NOL4: variants seen among roughly 807,000 people sequenced by gnomAD.
NOL4 encodes the protein cancer/testis antigen 125.
In NOL4, 17 loss-of-function variants were observed where a neutral mutation model predicts 75.9. That is an observed-to-expected ratio of 0.22 (90% confidence interval 0.15 to 0.34). NOL4 has a LOEUF of 0.34. Among genes scored for constraint, NOL4 ranks in the 10% least tolerant of loss-of-function variants. The probability of loss-of-function intolerance (pLI) is 1.00; values close to 1 mark genes in which losing one functional copy is unlikely to be tolerated. For synonymous variants in NOL4, 292 were observed against 289.9 expected (o/e 1.01, Z -0.07); for missense variants, 614 against 793.5 (o/e 0.77, Z 2.72).
At chr18:34,117,455 C>T (rs2079913228) in intron 2 of NOL4, among the ~76,000 whole-genome samples, 1 of 152,144 alleles carries the variant, frequency 6.6e-6, no homozygotes, top group Non-Finnish European at 1.5e-5. Context: ...TTATAATGCT[C>T]CCTGGTGTGA....
intron 6 of NOL4, among the ~76,000 whole-genome samples, chr18:33,983,956 G>A (rs145881349): frequency 1.6e-3 from 247 of 152,204 alleles, no homozygotes; most frequent in African/African-American, 5.6e-3. Context: ...ACAAAGTAAT[G>A]TATTAAAGAT....
chr18:34,093,213 A>C (rs955672928), intron 5 of NOL4, among the ~76,000 whole-genome samples: 3 of 152,202 alleles, frequency 2.0e-5, no homozygotes, highest in Admixed American at 1.3e-4. Context: ...TCAGGGAGCA[A>C]AACATGAATT....
intron 6 of NOL4, among the ~76,000 whole-genome samples, chr18:33,994,680 TA>T (rs1049473515): frequency 2.0e-5 from 3 of 151,370 alleles, no homozygotes; most frequent in African/African-American, 7.3e-5. Flanking sequence ...GCACTTATAT[TA>T]AAAAAGAATA....
intron 6 of NOL4, among the ~76,000 whole-genome samples, chr18:33,963,086 C>G (rs950473065): frequency 6.6e-6 from 1 of 152,184 alleles, no homozygotes; most frequent in African/African-American, 2.4e-5. Flanking sequence ...GAATTAAGTT[C>G]ACTTTCCACA....
intron 6 of NOL4, among the ~76,000 whole-genome samples, chr18:33,989,906 T>C (rs899015287): frequency 6.6e-6 from 1 of 152,118 alleles, no homozygotes; most frequent in African/African-American, 2.4e-5. Flanking sequence ...TATCTCCCAC[T>C]CATGATCACA....
intron 9 of NOL4, among the ~76,000 whole-genome samples, chr18:33,919,550 G>C (rs955662832): frequency 2.0e-5 from 3 of 152,142 alleles, no homozygotes; most frequent in African/African-American, 7.2e-5. Context: ...GAAAACAATG[G>C]GGCACATAAA....
intron 9 of NOL4, among the ~76,000 whole-genome samples, chr18:33,921,903 T>C (rs1260102352): frequency 2.0e-5 from 3 of 152,168 alleles, no homozygotes; most frequent in South Asian, 2.1e-4. Flanking sequence ...TACTCTTGTT[T>C]CATGTGTTTT....
chr18:34,179,855 T>A (rs894339694), intron 1 of NOL4, among the ~76,000 whole-genome samples: 2 of 151,576 alleles, frequency 1.3e-5, no homozygotes, highest in Non-Finnish European at 3.0e-5. Context: ...ACTTCAGAAC[T>A]GTAAGATATA....
At chr18:34,063,228 C>T (rs2077137751) in intron 5 of NOL4, among the ~76,000 whole-genome samples, 2 of 151,984 alleles carry the variant, frequency 1.3e-5, no homozygotes. Flanking sequence ...GAAATAAAGC[C>T]AAATGGACAG....
At chr18:34,060,185 G>A (rs992081586) in intron 5 of NOL4, among the ~76,000 whole-genome samples, 1 of 151,798 alleles carries the variant, frequency 6.6e-6, no homozygotes, top group African/African-American at 2.4e-5. Context: ...AACAGCTTGA[G>A]AGTGAATCTA....
intron 5 of NOL4, among the ~76,000 whole-genome samples, chr18:34,081,386 C>A (rs1185468855): frequency 6.6e-6 from 1 of 151,926 alleles, no homozygotes; most frequent in Non-Finnish European, 1.5e-5. Context: ...TTTTAATATT[C>A]TTTTAAAATA....
intron 1 of NOL4, among the ~76,000 whole-genome samples, chr18:34,218,933 T>C (rs1331503240): frequency 2.0e-5 from 3 of 152,192 alleles, no homozygotes; most frequent in Non-Finnish European, 4.4e-5. Context: ...ATTATTTCTT[T>C]CACTCTGATG....
At chr18:34,118,271 C>T (rs1244439554) in intron 2 of NOL4, among the ~76,000 whole-genome samples, 4 of 152,164 alleles carry the variant, frequency 2.6e-5, no homozygotes, top group Admixed American at 6.5e-5. Flanking sequence ...TAAGGCCAAA[C>T]TTCTGACATT....
At chr18:33,853,766 A>G (rs1599628384) in intron 10 of NOL4, among the ~76,000 whole-genome samples, 1 of 152,064 alleles carries the variant, frequency 6.6e-6, no homozygotes, top group African/African-American at 2.4e-5. Flanking sequence ...TTAGGAATTT[A>G]ATGTCATCTC....
intron 1 of NOL4, among the ~76,000 whole-genome samples, chr18:34,212,310 C>T (rs935214654): frequency 6.6e-6 from 1 of 152,116 alleles, no homozygotes; most frequent in Non-Finnish European, 1.5e-5. Context: ...TATAGACCAT[C>T]TCATCAAAAA....
At chr18:33,963,181 C>G (rs1737468269) in intron 6 of NOL4, among the ~76,000 whole-genome samples, 1 of 152,290 alleles carries the variant, frequency 6.6e-6, no homozygotes, top group South Asian at 2.1e-4. Flanking sequence ...GATTTAAACA[C>G]TATAATTGTT....
intron 1 of NOL4, among the ~76,000 whole-genome samples, chr18:34,176,087 A>G (rs2146298307): frequency 6.6e-6 from 1 of 152,216 alleles, no homozygotes; most frequent in African/African-American, 2.4e-5. Context: ...AGAGTATAAG[A>G]ACATTGTCAC....
chr18:33,882,950 G>A (rs564608914), intron 10 of NOL4, among the ~76,000 whole-genome samples: 10 of 151,590 alleles, frequency 6.6e-5, no homozygotes, highest in African/African-American at 1.5e-4. Context: ...GTAAACTATC[G>A]CAAGAACAAA....
intron 1 of NOL4, among the ~76,000 whole-genome samples, chr18:34,143,337 T>C (rs2146017997): frequency 6.6e-6 from 1 of 152,290 alleles, no homozygotes; most frequent in South Asian, 2.1e-4. Flanking sequence ...TAATAAAATA[T>C]GTAATAACTC....
Sources: allele counts gnomAD v4.1 joint callset (sites outside exome capture counted in the v4.1 genomes callset), GRCh38; gene constraint gnomAD v4.1.1; transcripts MANE v1.5; gene names NCBI Gene and HGNC (gene_info 2026-07-23, HGNC 2026-07-21).